XNDC1N: variants seen among roughly 807,000 people sequenced by gnomAD.
The protein encoded by XNDC1N is protein XNDC1N.
At chr11:71,926,740 A>C in the XNDC1N span, among the ~76,000 whole-genome samples, 1 of 151,990 alleles carries the variant, frequency 6.6e-6, no homozygotes, top group Non-Finnish European at 1.5e-5. Context: ...GTCTCTACTC[A>C]AAATACAAAA....
the XNDC1N span, among the ~76,000 whole-genome samples, chr11:71,891,157 A>G: frequency 3.3e-5 from 5 of 152,006 alleles, no homozygotes; most frequent in African/African-American, 1.2e-4. Flanking sequence ...CGATATTGAA[A>G]ATGATATCAT....
chr11:71,889,921 CT>C, the XNDC1N span, among the ~76,000 whole-genome samples: 1 of 152,184 alleles, frequency 6.6e-6, no homozygotes, highest in Non-Finnish European at 1.5e-5. Flanking sequence ...TCTTCGTGAT[CT>C]GATTCCTAGA....
the XNDC1N span, among the ~76,000 whole-genome samples, chr11:71,900,720 AG>A: frequency 1.3e-5 from 2 of 152,272 alleles, no homozygotes; most frequent in African/African-American, 4.8e-5. Context: ...ACCCTTACTG[AG>A]GGCTTCCTAA....
At chr11:71,888,700 GCTGA>G in the XNDC1N span, among the ~76,000 whole-genome samples, 1 of 152,200 alleles carries the variant, frequency 6.6e-6, no homozygotes, top group African/African-American at 2.4e-5. Context: ...AAGCAAATAA[GCTGA>G]CTCTTGGGCA....
chr11:71,917,009 GTTATTA>G, the XNDC1N span: 246 of 177,228 alleles, frequency 1.4e-3, 9 homozygotes, highest in South Asian at 0.031. Context: ...ACATATTATT[GTTATTA>G]TTATTATTAT....
At chr11:71,926,043 G>A in the XNDC1N span, 2 of 152,208 alleles carry the variant, frequency 1.3e-5, no homozygotes, top group Middle Eastern at 6.8e-3. Context: ...AGGCCGAGGA[G>A]GGTGGATATC....
At chr11:71,885,441 G>A in the XNDC1N span, among the ~76,000 whole-genome samples, 5 of 152,182 alleles carry the variant, frequency 3.3e-5, no homozygotes. Context: ...GATGTTGGGA[G>A]TAATAGCATT....
At chr11:71,920,557 G>C in the XNDC1N span, among the ~76,000 whole-genome samples, 4 of 136,532 alleles carry the variant, frequency 2.9e-5, no homozygotes, top group Non-Finnish European at 4.8e-5. Flanking sequence ...TGCCCACCTC[G>C]GCCTCCCAAA....
chr11:71,892,927 G>A, the XNDC1N span, among the ~76,000 whole-genome samples: 1 of 151,866 alleles, frequency 6.6e-6, no homozygotes, highest in African/African-American at 2.4e-5. Context: ...TGATAAATAT[G>A]AAAAGTAATT....
the XNDC1N span, among the ~76,000 whole-genome samples, chr11:71,910,109 G>T: frequency 3.2e-4 from 48 of 152,212 alleles, 1 homozygote; most frequent in South Asian, 8.3e-4. Flanking sequence ...TCCGTCTCAA[G>T]CACCTAAGAA....
chr11:71,921,571 T>C, the XNDC1N span, among the ~76,000 whole-genome samples: 7 of 152,248 alleles, frequency 4.6e-5, no homozygotes, highest in East Asian at 1.4e-3. Context: ...AGCCCTGTAA[T>C]CTAAATGTCT....
the XNDC1N span, among the ~76,000 whole-genome samples, chr11:71,890,033 A>C: frequency 6.8e-4 from 104 of 152,318 alleles, no homozygotes; most frequent in African/African-American, 2.5e-3. Flanking sequence ...CGGAAACTGC[A>C]TGCAGCCTCC....
chr11:71,904,230 G>A, the XNDC1N span: 6 of 383,586 alleles, frequency 1.6e-5, no homozygotes, highest in Non-Finnish European at 2.6e-5. Context: ...GTGTCATTAC[G>A]AGTAATACCT....
chr11:71,908,879 C>A, the XNDC1N span, among the ~76,000 whole-genome samples: 12 of 152,120 alleles, frequency 7.9e-5, no homozygotes, highest in African/African-American at 2.9e-4. Context: ...CAGGAACCGA[C>A]CCTCAGTTGG....
At chr11:71,868,031 A>G in the XNDC1N span, among the ~76,000 whole-genome samples, 1 of 152,318 alleles carries the variant, frequency 6.6e-6, no homozygotes, top group Admixed American at 6.5e-5. Flanking sequence ...ACCCTTTACC[A>G]TTATGTAATG....
At chr11:71,912,881 G>A in the XNDC1N span, among the ~76,000 whole-genome samples, 1 of 152,044 alleles carries the variant, frequency 6.6e-6, no homozygotes, top group South Asian at 2.1e-4. Flanking sequence ...CTTGCATATT[G>A]GGAACAACAT....
the XNDC1N span, among the ~76,000 whole-genome samples, chr11:71,890,795 TC>T: frequency 1.3e-5 from 2 of 151,774 alleles, no homozygotes; most frequent in African/African-American, 4.8e-5. Context: ...ATCATCCTCT[TC>T]CCCCCTGGAT....
At chr11:71,899,917 C>T in the XNDC1N span, among the ~76,000 whole-genome samples, 1 of 152,158 alleles carries the variant, frequency 6.6e-6, no homozygotes, top group Non-Finnish European at 1.5e-5. Flanking sequence ...GTATAAAACC[C>T]GATTGTACAT....
At chr11:71,895,141 C>T in the XNDC1N span, among the ~76,000 whole-genome samples, 34 of 151,360 alleles carry the variant, frequency 2.2e-4, 1 homozygote, top group Admixed American at 4.6e-4. Flanking sequence ...TTTAAAGCAC[C>T]AGAGGTGGTT....
Sources: allele counts gnomAD v4.1 joint callset (sites outside exome capture counted in the v4.1 genomes callset), GRCh38; gene constraint gnomAD v4.1.1; transcripts MANE v1.5; gene names NCBI Gene and HGNC (gene_info 2026-07-23, HGNC 2026-07-21).